CHCHD3: variants seen among roughly 807,000 people sequenced by gnomAD.
CHCHD3 encodes MICOS complex subunit MIC19.
In CHCHD3, 20 loss-of-function variants were observed where a neutral mutation model predicts 38.2. The ratio of observed to expected loss-of-function variants is 0.52; its 90% CI spans 0.37 to 0.76. The LOEUF is 0.76. Ranked by LOEUF, CHCHD3 falls within the 30% of genes least tolerant of loss-of-function variation. The probability of loss-of-function intolerance (pLI) is 0.00; values close to 1 mark genes in which losing one functional copy is unlikely to be tolerated. For synonymous variants in CHCHD3, 82 were observed against 100.0 expected (o/e 0.82, Z 1.07); for missense variants, 245 against 279.2 (o/e 0.88, Z 0.87).
At chr7:132,860,279 AT>A (rs879430697) in intron 5 of CHCHD3, among the ~76,000 whole-genome samples, 2,637 of 144,162 alleles carry the variant, frequency 0.018, 31 homozygotes, top group Non-Finnish European at 0.025. Context: ...AAATAAACAG[AT>A]TTTTTTTTAT....
chr7:132,793,589 A>T (rs1806521756), intron 7 of CHCHD3, among the ~76,000 whole-genome samples: 1 of 152,338 alleles, frequency 6.6e-6, no homozygotes, highest in East Asian at 1.9e-4. Flanking sequence ...GAGGAAGAGT[A>T]AGGCTAAGGA....
intron 6 of CHCHD3, among the ~76,000 whole-genome samples, chr7:132,822,386 A>G (rs1807400982): frequency 6.6e-6 from 1 of 152,170 alleles, no homozygotes; most frequent in African/African-American, 2.4e-5. Context: ...TACAAGTCAA[A>G]AAAGCCTATA....
At chr7:132,986,088 T>C (rs7785122) in intron 3 of CHCHD3, among the ~76,000 whole-genome samples, 2,723 of 150,416 alleles carry the variant, frequency 0.018, 96 homozygotes, top group African/African-American at 0.063. Context: ...GGGATCCTGT[T>C]GATCTGTGAC....
chr7:133,058,506 C>T (rs948683743), intron 2 of CHCHD3, among the ~76,000 whole-genome samples: 2 of 152,190 alleles, frequency 1.3e-5, no homozygotes, highest in Admixed American at 6.5e-5. Context: ...GAATCCGTAA[C>T]CTAGCTGGTT....
chr7:132,851,368 T>A (rs1384797447), intron 5 of CHCHD3, among the ~76,000 whole-genome samples: 1 of 152,224 alleles, frequency 6.6e-6, no homozygotes, highest in Non-Finnish European at 1.5e-5. Context: ...TTTTCCATGC[T>A]TAGATTGGGA....
chr7:132,942,143 G>A (rs1450348808), intron 4 of CHCHD3, among the ~76,000 whole-genome samples: 2 of 152,046 alleles, frequency 1.3e-5, no homozygotes, highest in Admixed American at 1.3e-4. Context: ...GAAACATTCA[G>A]GAGACAACAC....
chr7:132,818,283 G>A (rs948477086), intron 6 of CHCHD3, among the ~76,000 whole-genome samples: 2 of 152,156 alleles, frequency 1.3e-5, no homozygotes, highest in East Asian at 1.9e-4. Flanking sequence ...ATGTGTCCAC[G>A]ACGTGGCAAG....
chr7:132,799,248 C>T (rs1183543009), intron 6 of CHCHD3, among the ~76,000 whole-genome samples: 2 of 152,088 alleles, frequency 1.3e-5, no homozygotes, highest in Non-Finnish European at 2.9e-5. Flanking sequence ...TTATACTGCC[C>T]TAATGCACTG....
At position 132,788,694 on chromosome 7, in the gene CHCHD3, A is replaced by G. The variant is rs961266081; in HGVS notation, c.661-3034T>C. Among the ~76,000 whole-genome samples the G allele has an allele frequency of 1.3e-5, 2 of 152,236 alleles. No homozygotes were observed. The highest frequency in any genetic ancestry group is 2.4e-5 in the African/African-American group (1 of 41,472). On this transcript the variant is annotated intron_variant, in intron 7 of 7. Transcript: ENST00000262570. The surrounding 1 kb of genome is among the most constrained non-coding windows in gnomAD (Gnocchi z 4.0). Reference sequence around the variant, plus strand: ...AGTCTCACATAAAGACACTAAAAGAAGTAACATTTTAATAACCCCTTTAGC... The same window carrying G: ...AGTCTCACATAAAGACACTAAAAGAGGTAACATTTTAATAACCCCTTTAGC...
intron 2 of CHCHD3, chr7:133,034,694 G>C: frequency 1.2e-6 from 2 of 1,612,700 alleles, no homozygotes; most frequent in Non-Finnish European, 1.7e-6. Context: ...CCAGCGTCTG[G>C]GTCTCCTCTC....
intron 5 of CHCHD3, among the ~76,000 whole-genome samples, chr7:132,856,049 A>G (rs1305675815): frequency 1.3e-5 from 2 of 152,210 alleles, no homozygotes; most frequent in Admixed American, 6.5e-5. Flanking sequence ...TTGTTCTTAG[A>G]AAGATCCCAC....
chr7:132,964,393 C>A (rs1811404348), intron 4 of CHCHD3, among the ~76,000 whole-genome samples: 1 of 152,118 alleles, frequency 6.6e-6, no homozygotes, highest in South Asian at 2.1e-4. Flanking sequence ...CTAGCCTGAC[C>A]AACATGGTGA....
intron 3 of CHCHD3, among the ~76,000 whole-genome samples, chr7:132,994,438 A>G (rs1474224851): frequency 6.6e-6 from 1 of 152,172 alleles, no homozygotes; most frequent in African/African-American, 2.4e-5. Flanking sequence ...CACCTATTCT[A>G]TGATGTTAGA....
chr7:132,850,981 C>G (rs1400501366), intron 5 of CHCHD3, among the ~76,000 whole-genome samples: 1 of 152,134 alleles, frequency 6.6e-6, no homozygotes, highest in South Asian at 2.1e-4. Flanking sequence ...TCAGACAATT[C>G]AAGCTTCATT....
chr7:132,787,468 T>A (rs904157474), intron 7 of CHCHD3, among the ~76,000 whole-genome samples: 1 of 151,798 alleles, frequency 6.6e-6, no homozygotes, highest in African/African-American at 2.4e-5. Flanking sequence ...ACAAAGACAG[T>A]GATGGGGCCA....
At chr7:132,897,987 G>T (rs188137243) in intron 4 of CHCHD3, among the ~76,000 whole-genome samples, 3,418 of 152,194 alleles carry the variant, frequency 0.022, 75 homozygotes, top group Non-Finnish European at 0.03. Context: ...GGTCTCGCTG[G>T]CTCAGGAGTG....
chr7:133,018,143 G>C (rs907432313), intron 3 of CHCHD3, among the ~76,000 whole-genome samples: 1 of 152,142 alleles, frequency 6.6e-6, no homozygotes, highest in African/African-American at 2.4e-5. Context: ...ATCTAAAATA[G>C]TGGGACTTTT....
intron 2 of CHCHD3, among the ~76,000 whole-genome samples, chr7:133,055,893 G>T (rs1321898968): frequency 2.0e-5 from 3 of 151,848 alleles, no homozygotes; most frequent in African/African-American, 7.3e-5. Context: ...CTGTAATCAC[G>T]CCTGTGCTTT....
chr7:132,993,564 C>T (rs1204412844), intron 3 of CHCHD3, among the ~76,000 whole-genome samples: 1 of 152,196 alleles, frequency 6.6e-6, no homozygotes, highest in Non-Finnish European at 1.5e-5. Context: ...CATCTGCCTA[C>T]GCACCAGAGC....
Sources: allele counts gnomAD v4.1 joint callset (sites outside exome capture counted in the v4.1 genomes callset), GRCh38; gene constraint gnomAD v4.1.1; non-coding constraint Gnocchi (gnomAD v3.1); transcripts MANE v1.5; gene names NCBI Gene and HGNC (gene_info 2026-07-23, HGNC 2026-07-21).